Variants in RUBCNL observed in about 807,000 individuals in gnomAD.
The protein encoded by RUBCNL is protein associated with UVRAG as autophagy enhancer.
RUBCNL carries 62 observed loss-of-function variants against 69.5 expected under a neutral mutation model. The ratio of observed to expected loss-of-function variants is 0.89; its 90% CI spans 0.73 to 1.10. RUBCNL has a LOEUF of 1.10. RUBCNL is among the 50% of genes least tolerant of loss of function. The pLI, the probability that RUBCNL is intolerant of heterozygous loss-of-function variation, is 0.00. For missense variants in RUBCNL, 768 were observed against 798.1 expected (o/e 0.96, Z 0.45); for synonymous variants, 291 against 303.6 (o/e 0.96, Z 0.43).
chr13:46,359,178 A>T (rs764985394), intron 9 of RUBCNL, among the ~76,000 whole-genome samples: 6 of 152,126 alleles, frequency 3.9e-5, no homozygotes, highest in Admixed American at 6.5e-5. Flanking sequence ...TTTTGATATT[A>T]GCCACTTTTA....
At position 46,363,481 on chromosome 13, in the gene RUBCNL, T is replaced by C. The variant is rs147213375; in HGVS notation, c.827-268A>G. On this transcript the variant is annotated intron_variant, in intron 5 of 14. Transcript: ENST00000429979. ...GCAGTCCATCCAATGTTTTAAAATA[T>C]TGAAACACTGAAAGCATCTAAACGT... 3.9e-5 allele frequency among the ~76,000 whole-genome samples: 6 copies of C among 152,284 alleles called. No homozygotes were observed. In the East Asian group the frequency reaches 7.7e-4, roughly 20 times the overall value.
chr13:46,360,669 C>T (rs947787885), intron 8 of RUBCNL, among the ~76,000 whole-genome samples: 6 of 152,236 alleles, frequency 3.9e-5, no homozygotes, highest in African/African-American at 1.4e-4. Flanking sequence ...ATTAAACACT[C>T]CTTCCTCTGC....
chr13:46,364,491 T>C (rs1017019447), intron 5 of RUBCNL, among the ~76,000 whole-genome samples: 3 of 152,174 alleles, frequency 2.0e-5, no homozygotes, highest in African/African-American at 7.2e-5. Flanking sequence ...CAACCACCAC[T>C]TCCAGCTGCA....
rs1445584806 is a variant in RUBCNL at position 46,378,003 on chromosome 13, T to C, written c.-236A>G. On this transcript the variant is annotated splice_region_variant and 5_prime_UTR_variant, in exon 2 of 15. The change creates a new upstream start codon in the 5' untranslated region. Transcript: ENST00000429979. ...AGGTCAATATCCCCATTTTTTATTT[T>C]ATCTGTAAGGCAAAAAACAATTTGC... 1 of 1,535,212 alleles carries C rather than the reference T, an allele frequency of 6.5e-7. No homozygotes were observed. Among genetic ancestry groups the C allele is most frequent in the Non-Finnish European group, 8.8e-7 (1 of 1,139,728 alleles).
intron 12 of RUBCNL, among the ~76,000 whole-genome samples, chr13:46,347,751 G>T (rs1245455030): frequency 6.6e-6 from 1 of 152,108 alleles, no homozygotes. Context: ...CAGCACTTTG[G>T]GAGGCCGAGG....
At chr13:46,384,753 T>C (rs2049200017) in intron 1 of RUBCNL, among the ~76,000 whole-genome samples, 2 of 152,252 alleles carry the variant, frequency 1.3e-5, no homozygotes, top group African/African-American at 2.4e-5. Context: ...GGCTTGAATC[T>C]GAAACTTTTC....
chr13:46,340,109 C>T lies in RUBCNL; in HGVS notation c.*3276G>A, dbSNP rs2048131340. Among the ~76,000 whole-genome samples, 1 of 152,040 alleles carries T rather than the reference C, an allele frequency of 6.6e-6. No homozygotes were observed. Among genetic ancestry groups the T allele is most frequent in the Admixed American group, 6.5e-5 (1 of 15,268 alleles). ...TTCTTCCCTGCATCTTCTCTCTTCT[C>T]TCAATTTCCCTTTTCTTATAAGGAC... On this transcript the variant is annotated 3_prime_UTR_variant, in exon 15 of 15. Transcript: ENST00000429979.
intron 2 of RUBCNL, among the ~76,000 whole-genome samples, chr13:46,374,949 C>T (rs533553426): frequency 1.3e-5 from 2 of 152,320 alleles, no homozygotes; most frequent in South Asian, 4.1e-4. Context: ...ATTACTTCCT[C>T]AAAGATATCT....
At chr13:46,345,372 A>C (rs2048223134) in intron 13 of RUBCNL, 75 bp downstream of exon 13, 1 of 1,494,026 alleles carries the variant, frequency 6.7e-7, no homozygotes, top group South Asian at 1.3e-5. Flanking sequence ...GTGAGAGTTA[A>C]ATGAAGTCAA....
intron 3 of RUBCNL, 109 bp from the exon 4 acceptor site, chr13:46,368,924 A>G: frequency 1.3e-6 from 1 of 755,644 alleles, no homozygotes; most frequent in Non-Finnish European, 2.2e-6. Context: ...AAAAATAAGC[A>G]CAATTCTAGA....
chr13:46,382,923 T>C (rs1036473200), intron 1 of RUBCNL, among the ~76,000 whole-genome samples: 2 of 152,226 alleles, frequency 1.3e-5, no homozygotes, highest in African/African-American at 4.8e-5. Context: ...AGTTAAGTAT[T>C]GTGGTTATGT....
intron 4 of RUBCNL, chr13:46,368,475 T>C: frequency 1.0e-6 from 1 of 985,400 alleles, no homozygotes; most frequent in Non-Finnish European, 1.2e-6. Context: ...ATTGGATTTC[T>C]TGTTATACAA....
intron 12 of RUBCNL, among the ~76,000 whole-genome samples, chr13:46,348,517 TG>T (rs371943380): frequency 1.3e-5 from 2 of 152,174 alleles, no homozygotes; most frequent in African/African-American, 4.8e-5. Flanking sequence ...CCACATGTCA[TG>T]GAAGGAGCCT....
intron 11 of RUBCNL, among the ~76,000 whole-genome samples, chr13:46,349,625 G>A (rs1052791449): frequency 2.0e-5 from 3 of 151,784 alleles, no homozygotes; most frequent in Non-Finnish European, 2.9e-5. Context: ...TTCAGTGTGG[G>A]GCCTTGGAAA....
intron 5 of RUBCNL, among the ~76,000 whole-genome samples, chr13:46,366,114 A>G (rs568986510): frequency 1.5e-3 from 226 of 152,300 alleles, no homozygotes; most frequent in Non-Finnish European, 2.7e-3. Flanking sequence ...CAGTATACTA[A>G]ATAGGAATTA....
Position 46,335,442 on chromosome 13 carries a change from G to A in RUBCNL, c.*7943C>T, listed in dbSNP as rs949429470. Among the ~76,000 whole-genome samples, 6 of 151,928 alleles carry A rather than the reference G, an allele frequency of 3.9e-5. No individual in the cohort carries two copies. The highest frequency in any genetic ancestry group is 7.4e-5 in the Non-Finnish European group (5 of 67,994). On this transcript the variant is annotated 3_prime_UTR_variant, in exon 15 of 15. Coordinates refer to ENST00000429979, the MANE Select transcript of RUBCNL (RefSeq NM_025113.5). ...TAAGTCTTCAGAGGGTTTAATCCAC[G>A]GAGATAGACGATCTGATTTATGCTT...
chr13:46,363,058 T>TATGCGG (rs2048667991), intron 6 of RUBCNL, 57 bp downstream of exon 6: 1 of 963,710 alleles, frequency 1.0e-6, no homozygotes, highest in Non-Finnish European at 1.6e-6. Flanking sequence ...TTAGTGTGTG[T>TATGCGG]ATGCGGATGG....
intron 5 of RUBCNL, among the ~76,000 whole-genome samples, chr13:46,364,764 G>C (rs1412247423): frequency 6.7e-6 from 1 of 150,214 alleles, no homozygotes; most frequent in Non-Finnish European, 1.5e-5. Flanking sequence ...CCACCTCATG[G>C]AGGAACATCT....
At chr13:46,388,209 A>AC (rs1233970445), upstream of RUBCNL, among the ~76,000 whole-genome samples, 2 of 149,132 alleles carry the variant, frequency 1.3e-5, no homozygotes, top group African/African-American at 4.9e-5. Flanking sequence ...CAAAAAAAAA[A>AC]AAAAAAAAAA....
Sources: gnomAD v4.1 joint callset for allele counts (sites outside exome capture counted in the v4.1 genomes callset) on GRCh38, gnomAD v4.1.1 for gene constraint, MANE v1.5 for transcripts, NCBI Gene and HGNC (gene_info 2026-07-23, HGNC 2026-07-21) for gene names.